PPP2R2B: variants seen among roughly 807,000 people sequenced by gnomAD.
PPP2R2B encodes serine/threonine-protein phosphatase 2A 55 kDa regulatory subunit B beta isoform.
In PPP2R2B, 5 loss-of-function variants were observed where a neutral mutation model predicts 46.0. That is an observed-to-expected ratio of 0.11 (90% confidence interval 0.06 to 0.23). The LOEUF is 0.23. PPP2R2B is among the 10% of genes least tolerant of loss of function. PPP2R2B has a pLI of 1.00. For synonymous variants in PPP2R2B, 215 were observed against 206.7 expected (o/e 1.04, Z -0.34); for missense variants, 367 against 575.0 (o/e 0.64, Z 3.70).
intron 1 of PPP2R2B, among the ~76,000 whole-genome samples, chr5:147,054,358 T>C (rs889621670): frequency 1.3e-5 from 2 of 152,192 alleles, no homozygotes; most frequent in African/African-American, 4.8e-5. Context: ...TGCCATTTTT[T>C]CATTCCTCTC....
intron 2 of PPP2R2B, chr5:146,706,284 A>T (rs1779845114): frequency 3.9e-6 from 2 of 512,300 alleles, no homozygotes; most frequent in South Asian, 3.3e-5. Flanking sequence ...GCCCTGGTGG[A>T]GCTGGTGCGG....
intron 2 of PPP2R2B, among the ~76,000 whole-genome samples, chr5:147,069,774 C>T (rs1041312650): frequency 3.6e-5 from 4 of 110,840 alleles, no homozygotes; most frequent in Admixed American, 1.9e-4. Context: ...CACATGAACA[C>T]ATTTTATACT....
intron 2 of PPP2R2B, among the ~76,000 whole-genome samples, chr5:146,838,593 A>AG (rs1178885368): frequency 6.6e-6 from 1 of 151,814 alleles, no homozygotes; most frequent in Non-Finnish European, 1.5e-5. Context: ...AAGAAAAAAA[A>AG]GAAGGAAGGG....
At chr5:146,762,446 G>A (rs888076550) in intron 2 of PPP2R2B, among the ~76,000 whole-genome samples, 1 of 152,158 alleles carries the variant, frequency 6.6e-6, no homozygotes, top group African/African-American at 2.4e-5. Context: ...ACAGTTCCAG[G>A]CATACAGTCA....
At chr5:147,018,724 G>C (rs1222449670) in intron 1 of PPP2R2B, among the ~76,000 whole-genome samples, 2 of 152,110 alleles carry the variant, frequency 1.3e-5, no homozygotes, top group East Asian at 3.9e-4. Flanking sequence ...GGAGAACAAG[G>C]GTTATGGACT....
intron 2 of PPP2R2B, among the ~76,000 whole-genome samples, chr5:146,737,495 T>G (rs1285341965): frequency 6.6e-6 from 1 of 152,174 alleles, no homozygotes; most frequent in Non-Finnish European, 1.5e-5. Flanking sequence ...TCAACAAATA[T>G]CTATGGAATC....
At chr5:146,942,665 T>G (rs1423757789) in intron 1 of PPP2R2B, among the ~76,000 whole-genome samples, 1 of 152,232 alleles carries the variant, frequency 6.6e-6, no homozygotes, top group East Asian at 1.9e-4. Flanking sequence ...TTCTCCCATC[T>G]TCTTTGTCCT....
intron 1 of PPP2R2B, among the ~76,000 whole-genome samples, chr5:146,910,217 A>G (rs1286700670): frequency 2.0e-5 from 3 of 152,244 alleles, no homozygotes; most frequent in African/African-American, 7.2e-5. Context: ...CCTAATAACA[A>G]GAAGGTAGCA....
chr5:146,923,766 C>A (rs890176547), intron 1 of PPP2R2B, among the ~76,000 whole-genome samples: 1 of 152,156 alleles, frequency 6.6e-6, no homozygotes, highest in African/African-American at 2.4e-5. Context: ...AAGACACATG[C>A]ACACATATGT....
At chr5:147,036,158 C>T (rs1330571035) in intron 1 of PPP2R2B, among the ~76,000 whole-genome samples, 1 of 152,162 alleles carries the variant, frequency 6.6e-6, no homozygotes, top group African/African-American at 2.4e-5. Flanking sequence ...TGATGCTCTC[C>T]ATCCTCCCAC....
intron 7 of PPP2R2B, among the ~76,000 whole-genome samples, chr5:146,631,129 A>G (rs555107407): frequency 2.1e-4 from 32 of 152,146 alleles, no homozygotes; most frequent in Non-Finnish European, 2.5e-4. Flanking sequence ...TGGGCTCCTC[A>G]CCGCCTTGCC....
intron 1 of PPP2R2B, among the ~76,000 whole-genome samples, chr5:146,947,231 C>A (rs1764511917): frequency 6.6e-6 from 1 of 152,190 alleles, no homozygotes; most frequent in Non-Finnish European, 1.5e-5. Context: ...CATTTATGCT[C>A]TCTTCTTGTG....
chr5:146,961,935 T>C (rs780321966), intron 1 of PPP2R2B, among the ~76,000 whole-genome samples: 1 of 151,750 alleles, frequency 6.6e-6, no homozygotes, highest in African/African-American at 2.4e-5. Flanking sequence ...TGTGTGTCCC[T>C]AGAGAACAGA....
chr5:146,665,565 C>G (rs896834000), intron 5 of PPP2R2B, among the ~76,000 whole-genome samples: 1 of 152,196 alleles, frequency 6.6e-6, no homozygotes, highest in Non-Finnish European at 1.5e-5. Context: ...TCTATGTCAG[C>G]AAGAAGGTTA....
chr5:146,885,881 C>T (rs1406349235), intron 1 of PPP2R2B, among the ~76,000 whole-genome samples: 2 of 151,948 alleles, frequency 1.3e-5, no homozygotes, highest in African/African-American at 4.8e-5. Context: ...CAAAAGATGA[C>T]ATATTGTATG....
chr5:147,078,859 T>G (rs938984629), intron 2 of PPP2R2B, among the ~76,000 whole-genome samples: 5 of 151,698 alleles, frequency 3.3e-5, no homozygotes, highest in African/African-American at 1.2e-4. Context: ...AACTCTAACT[T>G]AGTAGCTCTT....
At position 147,014,981 on chromosome 5, in the gene PPP2R2B, T is replaced by TA. The variant is rs564696485; in HGVS notation, c.79+40683dup. Among the ~76,000 whole-genome samples, 736 of 151,790 alleles carry TA rather than the reference T, an allele frequency of 4.8e-3. 8 individuals carry two copies. Among genetic ancestry groups the TA allele is most frequent in the African/African-American group, 0.011 (473 of 41,430 alleles). ...TATGTATTTGCAAATATTCCCAAAT[T>TA]AAAAAAAAATCCCAAATCCCAAACA... On this transcript the variant is annotated intron_variant, in intron 1 of 8. Coordinates refer to the PPP2R2B transcript ENST00000336640.
intron 4 of PPP2R2B, among the ~76,000 whole-genome samples, chr5:146,692,353 C>T (rs1778903626): frequency 6.6e-6 from 1 of 152,022 alleles, no homozygotes; most frequent in Admixed American, 6.6e-5. Flanking sequence ...CTTTTTACAA[C>T]TTGATGACAC....
At chr5:146,822,081 A>G (rs938897611) in intron 2 of PPP2R2B, among the ~76,000 whole-genome samples, 1 of 152,226 alleles carries the variant, frequency 6.6e-6, no homozygotes, top group African/African-American at 2.4e-5. Context: ...AAAATGATAT[A>G]GCTGTCCAAT....
Sources: gnomAD v4.1 joint callset for allele counts (sites outside exome capture counted in the v4.1 genomes callset) on GRCh38, gnomAD v4.1.1 for gene constraint, MANE v1.5 for transcripts, NCBI Gene and HGNC (gene_info 2026-07-23, HGNC 2026-07-21) for gene names.